Variants in UBE3C observed in about 807,000 individuals in gnomAD.
UBE3C encodes the protein ubiquitin protein ligase E3C.
UBE3C carries 42 observed loss-of-function variants against 129.4 expected under a neutral mutation model. That is an observed-to-expected ratio of 0.32 (90% CI 0.25 to 0.42). The LOEUF is 0.42. Among genes scored for constraint, UBE3C ranks in the 10% least tolerant of loss-of-function variants. The pLI is 1.00. For missense variants in UBE3C, 1,049 were observed against 1,319.1 expected, an observed-to-expected ratio of 0.80 and a Z score of 3.17; for synonymous variants, 510 against 492.4, an observed-to-expected ratio of 1.04 and a Z score of -0.47.
chr7:157,146,943 G>A (rs1272403055), intron 1 of UBE3C, among the ~76,000 whole-genome samples: 5 of 152,236 alleles, frequency 3.3e-5, no homozygotes, highest in East Asian at 3.9e-4. Flanking sequence ...GAGACACCGC[G>A]CCCAACCATA....
intron 17 of UBE3C, 96 bp from the exon 18 acceptor site, chr7:157,230,984 C>A: frequency 6.6e-7 from 1 of 1,505,604 alleles, no homozygotes. Flanking sequence ...CCCTAAGATC[C>A]TCACACCCCT....
At chr7:157,157,506 T>A (rs1053380418) in intron 1 of UBE3C, among the ~76,000 whole-genome samples, 1 of 151,974 alleles carries the variant, frequency 6.6e-6, no homozygotes, top group African/African-American at 2.4e-5. Context: ...TTTCATACAT[T>A]GACATGATCT....
intron 18 of UBE3C, among the ~76,000 whole-genome samples, chr7:157,236,496 G>A (rs1267638627): frequency 6.6e-6 from 1 of 152,136 alleles, no homozygotes; most frequent in East Asian, 1.9e-4. Flanking sequence ...AGAATTCAGT[G>A]TGCATTTAAT....
At chr7:157,188,685 T>C (rs1808873468) in intron 10 of UBE3C, among the ~76,000 whole-genome samples, 1 of 152,216 alleles carries the variant, frequency 6.6e-6, no homozygotes, top group Admixed American at 6.5e-5. Context: ...CAGCACCTAT[T>C]TCCTCTAAGA....
At chr7:157,169,701 T>C (rs1808313994) in intron 3 of UBE3C, among the ~76,000 whole-genome samples, 1 of 151,832 alleles carries the variant, frequency 6.6e-6, no homozygotes, top group African/African-American at 2.4e-5. Flanking sequence ...TTTTGTTTTT[T>C]GAGAGAGTCT....
chr7:157,231,455 A>T, intron 18 of UBE3C, 128 bp downstream of exon 18: 1 of 1,412,710 alleles, frequency 7.1e-7, no homozygotes, highest in South Asian at 1.4e-5. Flanking sequence ...TAAATGTTGC[A>T]AAAGCACTGC....
intron 1 of UBE3C, among the ~76,000 whole-genome samples, chr7:157,157,252 C>T (rs1366787412): frequency 6.6e-6 from 1 of 152,164 alleles, no homozygotes; most frequent in Non-Finnish European, 1.5e-5. Context: ...TAATCCTAAG[C>T]TGCAGCTACT....
In UBE3C at chr7:157,202,472, C is replaced by T. The variant is rs574063591; in HGVS notation, c.1418+665C>T. ...AGGAGTTCAAAACCAGCCTGGCCAA[C>T]ATGGTGAAACCCCATCTCTACTAAA... On this transcript the variant is annotated intron_variant, in intron 11 of 22. Coordinates refer to ENST00000348165, the MANE Select transcript of UBE3C (RefSeq NM_014671.3). 5.3e-5 allele frequency among the ~76,000 whole-genome samples: 8 copies of T among 152,254 alleles called. No individual in the cohort carries two copies. In the East Asian group the frequency reaches 1.4e-3, roughly 26 times the overall value.
intron 13 of UBE3C, among the ~76,000 whole-genome samples, chr7:157,216,512 C>T (rs1795578133): frequency 6.6e-6 from 1 of 152,092 alleles, no homozygotes; most frequent in African/African-American, 2.4e-5. Flanking sequence ...CTCCCACCCT[C>T]CCCCTTCAAG....
At chr7:157,143,874 G>A (rs569275069) in intron 1 of UBE3C, among the ~76,000 whole-genome samples, 32 of 152,280 alleles carry the variant, frequency 2.1e-4, no homozygotes, top group Non-Finnish European at 3.8e-4. Context: ...GGTGGGACTC[G>A]TGAGGTACTG....
intron 6 of UBE3C, among the ~76,000 whole-genome samples, chr7:157,179,229 A>G (rs1808605907): frequency 6.6e-6 from 1 of 152,008 alleles, no homozygotes. Context: ...TGGGAAAGGT[A>G]ATGCCACCAA....
chr7:157,232,162 G>A lies in UBE3C; in HGVS notation c.2481+835G>A, dbSNP rs1796038630. Among the ~76,000 whole-genome samples the A allele has an allele frequency of 2.0e-5, 3 of 151,860 alleles. No individual in the cohort carries two copies. In the South Asian group the frequency reaches 6.2e-4, roughly 32 times the overall value. On this transcript the variant is annotated intron_variant, in intron 18 of 22. Transcript: ENST00000348165. Reference sequence around the variant, plus strand: ...AACATTGCCTTATTTTTTTTAATAAGGACACCTGTCATTGTATTGGGGTCT... The same window carrying A: ...AACATTGCCTTATTTTTTTTAATAAAGACACCTGTCATTGTATTGGGGTCT...
intron 18 of UBE3C, among the ~76,000 whole-genome samples, chr7:157,239,851 G>A (rs115697163): frequency 6.6e-6 from 1 of 152,290 alleles, no homozygotes; most frequent in African/African-American, 2.4e-5. Flanking sequence ...GAGGAACACT[G>A]GGTGCAGCTG....
chr7:157,255,952 G>A (rs561481240), intron 21 of UBE3C, among the ~76,000 whole-genome samples: 55 of 152,286 alleles, frequency 3.6e-4, no homozygotes, highest in African/African-American at 1.3e-3. Context: ...ACACCCAGCT[G>A]TGTTAGTACT....
chr7:157,252,513 A>C (rs1796643578), intron 19 of UBE3C, among the ~76,000 whole-genome samples: 2 of 152,252 alleles, frequency 1.3e-5, no homozygotes, highest in Non-Finnish European at 2.9e-5. Context: ...TTAAAATGTG[A>C]AACGTTAAAA....
At chr7:157,144,083 C>CAA (rs1340378621) in intron 1 of UBE3C, among the ~76,000 whole-genome samples, 1 of 152,130 alleles carries the variant, frequency 6.6e-6, no homozygotes, top group Non-Finnish European at 1.5e-5. Flanking sequence ...GTAGGGTAGT[C>CAA]AGAGTTGGAA....
intron 4 of UBE3C, 49 bp from the exon 5 acceptor site, chr7:157,174,870 C>G (rs373648534): frequency 1.4e-6 from 2 of 1,427,348 alleles, no homozygotes; most frequent in Non-Finnish European, 9.6e-7. Flanking sequence ...AATTAGCAAA[C>G]TATTAAATTT....
chr7:157,215,441 T>C (rs1371321468), intron 13 of UBE3C, among the ~76,000 whole-genome samples: 2 of 149,412 alleles, frequency 1.3e-5, no homozygotes, highest in African/African-American at 4.9e-5. Flanking sequence ...ATGTATAATA[T>C]ATCCAGTATA....
At chr7:157,154,511 G>T (rs1807849687) in intron 1 of UBE3C, among the ~76,000 whole-genome samples, 1 of 151,998 alleles carries the variant, frequency 6.6e-6, no homozygotes, top group South Asian at 2.1e-4. Context: ...AAATATCTTA[G>T]TGATTCCATA....
Sources: allele counts gnomAD v4.1 joint callset (sites outside exome capture counted in the v4.1 genomes callset), GRCh38; gene constraint gnomAD v4.1.1; transcripts MANE v1.5; gene names NCBI Gene and HGNC (gene_info 2026-07-23, HGNC 2026-07-21).